Variants in SPMIP11 observed in about 807,000 individuals in gnomAD.
The protein encoded by SPMIP11 is sperm microtubule inner protein 11.
At chr12:48,761,661 T>TA in the SPMIP11 span, among the ~76,000 whole-genome samples, 2 of 142,190 alleles carry the variant, frequency 1.4e-5, no homozygotes, top group African/African-American at 5.2e-5. Context: ...TGTAAGCTGA[T>TA]AAAAAATACA....
chr12:48,762,660 A>T, the SPMIP11 span, among the ~76,000 whole-genome samples: 1 of 152,030 alleles, frequency 6.6e-6, no homozygotes, highest in Non-Finnish European at 1.5e-5. Flanking sequence ...GAGCCACTGC[A>T]TCCGGCTCTT....
chr12:48,761,266 G>A, the SPMIP11 span, among the ~76,000 whole-genome samples: 2 of 151,934 alleles, frequency 1.3e-5, no homozygotes, highest in African/African-American at 4.8e-5. Context: ...GTCCAACATG[G>A]CGAAACCCCA....
At chr12:48,769,048 G>A in the SPMIP11 span, 2 of 1,612,724 alleles carry the variant, frequency 1.2e-6, no homozygotes, top group Non-Finnish European at 1.7e-6. Flanking sequence ...CCACGACTGG[G>A]CCCATGTTCA....
At chr12:48,732,441 G>A in the SPMIP11 span, among the ~76,000 whole-genome samples, 1 of 151,996 alleles carries the variant, frequency 6.6e-6, no homozygotes, top group Admixed American at 6.6e-5. Flanking sequence ...TAGGCATCAA[G>A]CTAGCAAGCT....
the SPMIP11 span, among the ~76,000 whole-genome samples, chr12:48,729,392 G>A: frequency 2.6e-5 from 4 of 152,090 alleles, no homozygotes; most frequent in Non-Finnish European, 5.9e-5. Flanking sequence ...AAAATAGCCG[G>A]GCGTGGTGGT....
At chr12:48,759,333 T>TA in the SPMIP11 span, 1 of 702,824 alleles carries the variant, frequency 1.4e-6, no homozygotes, top group Non-Finnish European at 2.6e-6. Context: ...TGAAGACGTG[T>TA]AAGTACCTTG....
chr12:48,740,968 T>G, the SPMIP11 span, among the ~76,000 whole-genome samples: 1 of 152,010 alleles, frequency 6.6e-6, no homozygotes, highest in South Asian at 2.1e-4. Flanking sequence ...AATTTTTCCT[T>G]CCAGGATCCA....
At chr12:48,762,077 C>T in the SPMIP11 span, among the ~76,000 whole-genome samples, 2 of 98,536 alleles carry the variant, frequency 2.0e-5, no homozygotes, top group Non-Finnish European at 1.8e-5. Context: ...TTTTTTGAGA[C>T]GGAGTCTCTC....
the SPMIP11 span, among the ~76,000 whole-genome samples, chr12:48,734,119 T>G: frequency 6.6e-6 from 1 of 151,984 alleles, no homozygotes; most frequent in South Asian, 2.1e-4. Context: ...TTTTTGTTTG[T>G]TTAGAGACAG....
chr12:48,765,705 G>C, the SPMIP11 span: 1 of 702,122 alleles, frequency 1.4e-6, no homozygotes, highest in Admixed American at 2.0e-5. Flanking sequence ...GAGTGCAGAG[G>C]GGGAAAGAAG....
the SPMIP11 span, among the ~76,000 whole-genome samples, chr12:48,752,785 C>T: frequency 2.6e-5 from 4 of 151,488 alleles, no homozygotes; most frequent in African/African-American, 4.9e-5. Context: ...GATTCTCCTG[C>T]CTCAGCCTCC....
the SPMIP11 span, among the ~76,000 whole-genome samples, chr12:48,757,301 G>A: frequency 6.6e-6 from 1 of 152,026 alleles, no homozygotes; most frequent in Admixed American, 6.6e-5. Context: ...CCTTGCTCAG[G>A]AGTCTGAGAT....
chr12:48,768,823 C>T, the SPMIP11 span: 1 of 1,553,450 alleles, frequency 6.4e-7, no homozygotes, highest in South Asian at 1.2e-5. Context: ...CAGTCCCTGC[C>T]CCACCATACA....
At chr12:48,738,547 T>C in the SPMIP11 span, among the ~76,000 whole-genome samples, 1 of 151,794 alleles carries the variant, frequency 6.6e-6, no homozygotes, top group South Asian at 2.1e-4. Context: ...TTCTTTTTTT[T>C]TTTTTGAGAT....
the SPMIP11 span, among the ~76,000 whole-genome samples, chr12:48,735,442 T>C: frequency 7.2e-5 from 11 of 151,956 alleles, no homozygotes; most frequent in African/African-American, 2.7e-4. Context: ...ACACCCTCTC[T>C]ACTAAGGTGG....
the SPMIP11 span, among the ~76,000 whole-genome samples, chr12:48,755,676 A>G: frequency 6.6e-6 from 1 of 152,054 alleles, no homozygotes; most frequent in Non-Finnish European, 1.5e-5. Flanking sequence ...CACACTGACC[A>G]TTCATATGGG....
At chr12:48,739,309 T>C in the SPMIP11 span, among the ~76,000 whole-genome samples, 3 of 152,186 alleles carry the variant, frequency 2.0e-5, no homozygotes, top group African/African-American at 7.2e-5. Context: ...ATAATTTCTC[T>C]GGGGAAGAAT....
At chr12:48,769,047 G>C in the SPMIP11 span, 4 of 1,612,802 alleles carry the variant, frequency 2.5e-6, no homozygotes, top group Non-Finnish European at 3.4e-6. Flanking sequence ...GCCACGACTG[G>C]GCCCATGTTC....
chr12:48,751,985 C>T, the SPMIP11 span, among the ~76,000 whole-genome samples: 7,290 of 150,646 alleles, frequency 0.048, 598 homozygotes, highest in African/African-American at 0.17. Context: ...GAGAATCTCT[C>T]GAACCTGGGA....
Sources: allele counts gnomAD v4.1 joint callset (sites outside exome capture counted in the v4.1 genomes callset), GRCh38; gene constraint gnomAD v4.1.1; transcripts MANE v1.5; gene names NCBI Gene and HGNC (gene_info 2026-07-23, HGNC 2026-07-21).